The following PRTFDC1 variants were observed in gnomAD, a reference collection of about 807,000 sequenced individuals.
PRTFDC1 encodes the protein phosphoribosyltransferase domain-containing protein 1.
PRTFDC1 carries 38 observed loss-of-function variants against 34.6 expected under a neutral mutation model. That is an observed-to-expected ratio of 1.10 (90% CI 0.85 to 1.44). PRTFDC1 has a LOEUF of 1.44. Ranked by LOEUF, PRTFDC1 falls within the 40% of genes most tolerant of loss-of-function variation. PRTFDC1 has a pLI of 0.00. For synonymous variants in PRTFDC1, 93 were observed against 98.1 expected (o/e 0.95, Z 0.31); for missense variants, 270 against 283.0 (o/e 0.95, Z 0.33).
intron 3 of PRTFDC1, among the ~76,000 whole-genome samples, chr10:24,903,747 A>G (rs758895083): frequency 2.0e-5 from 3 of 150,284 alleles, no homozygotes; most frequent in Non-Finnish European, 3.0e-5. Context: ...TCTGTCATCT[A>G]GGCTGTAGTG....
intron 3 of PRTFDC1, among the ~76,000 whole-genome samples, chr10:24,877,818 G>A (rs1326117134): frequency 6.6e-6 from 1 of 151,800 alleles, no homozygotes; most frequent in Non-Finnish European, 1.5e-5. Context: ...ATGGCGTTTC[G>A]CCATGTTGGT....
rs1288883171 is a variant in PRTFDC1, at chr10:24,849,862, T to A, written c.660A>T (p.Lys220Asn). The change falls in exon 9 of 9, where the codon AAA becomes AAT. Residue 220 changes from lysine to asparagine, a missense_variant. Physicochemically the swap from Lys to Asn is moderately conservative, Grantham distance 94. Coordinates refer to ENST00000320152, the MANE Select transcript of PRTFDC1 (RefSeq NM_020200.7). ...CATGTCTTTAGACTCGATATTTTTCTTTACCGTGCTCATTGATGACGCATA... is the reference window on the plus strand; with the variant it reads ...CATGTCTTTAGACTCGATATTTTTCATTACCGTGCTCATTGATGACGCATA... The part of the protein sequence containing the change: ...NHICVINEHG[K>N]EKYRV 2 of 1,614,014 alleles carry A rather than the reference T, an allele frequency of 1.2e-6. No homozygotes were observed. Among genetic ancestry groups the A allele is most frequent in the Admixed American group, 1.7e-5 (1 of 60,012 alleles).
chr10:24,926,960 G>A (rs1242211989), intron 3 of PRTFDC1, among the ~76,000 whole-genome samples: 2 of 152,132 alleles, frequency 1.3e-5, no homozygotes, highest in Non-Finnish European at 2.9e-5. Flanking sequence ...GAATAAATTT[G>A]AATATGAAGA....
chr10:24,932,660 C>A (rs56037178), intron 3 of PRTFDC1, among the ~76,000 whole-genome samples: 22,174 of 151,832 alleles, frequency 0.15, 1,856 homozygotes, highest in East Asian at 0.28. Flanking sequence ...AGGAGATATA[C>A]CGTGTTCATG....
chr10:24,867,404 C>T (rs1269520960), intron 4 of PRTFDC1, among the ~76,000 whole-genome samples: 2 of 152,158 alleles, frequency 1.3e-5, no homozygotes, highest in Non-Finnish European at 2.9e-5. Context: ...ATTCTTCCCT[C>T]TTGTCAGTTT....
intron 3 of PRTFDC1, among the ~76,000 whole-genome samples, chr10:24,932,070 T>G (rs1848981393): frequency 6.6e-6 from 1 of 151,924 alleles, no homozygotes; most frequent in Admixed American, 6.6e-5. Context: ...AGCAAACCAA[T>G]CAATGTATTT....
chr10:24,862,669 G>GT lies in PRTFDC1; in HGVS notation c.406-4261dup, dbSNP rs910874974. Among the ~76,000 whole-genome samples, 73 of 150,878 alleles carry GT rather than the reference G, an allele frequency of 4.8e-4. 1 individual carries two copies. The highest frequency in any genetic ancestry group is 9.3e-4 in the Admixed American group (14 of 15,104). Reference sequence around the variant, plus strand: ...TTTATTGCACCTTACAGAGACTGTGGTTTTTTTTTGTTTTTGTTTCTGTTT... The same window carrying GT: ...TTTATTGCACCTTACAGAGACTGTGGTTTTTTTTTTGTTTTTGTTTCTGTTT... On this transcript the variant is annotated intron_variant, in intron 4 of 8. Transcript: ENST00000320152.
chr10:24,929,161 A>G (rs1263250644), intron 3 of PRTFDC1, among the ~76,000 whole-genome samples: 1 of 152,138 alleles, frequency 6.6e-6, no homozygotes, highest in Non-Finnish European at 1.5e-5. Context: ...ACTACTCACT[A>G]AAACTAAAGA....
At chr10:24,872,088 G>A (rs1306770742) in intron 3 of PRTFDC1, 25 bp from the exon 4 acceptor site, 2 of 1,576,484 alleles carry the variant, frequency 1.3e-6, no homozygotes, top group Non-Finnish European at 1.7e-6. Context: ...AAAAAAAAGG[G>A]AGACAATTTT....
intron 3 of PRTFDC1, among the ~76,000 whole-genome samples, chr10:24,922,865 G>A (rs1848813180): frequency 6.6e-6 from 1 of 152,202 alleles, no homozygotes; most frequent in Non-Finnish European, 1.5e-5. Context: ...GAAGCACAAG[G>A]AGTTGGGTGA....
intron 3 of PRTFDC1, among the ~76,000 whole-genome samples, chr10:24,932,728 CA>C (rs2132601062): frequency 6.6e-6 from 1 of 152,056 alleles, no homozygotes; most frequent in East Asian, 1.9e-4. Flanking sequence ...TCTATAGATT[CA>C]AGGCAATCTT....
chr10:24,888,981 G>T (rs1000952567), intron 3 of PRTFDC1, among the ~76,000 whole-genome samples: 5 of 152,236 alleles, frequency 3.3e-5, no homozygotes, highest in African/African-American at 1.2e-4. Context: ...AAATGGAAAT[G>T]CTGCTACCAC....
At chr10:24,908,665 C>T (rs1848577259) in intron 3 of PRTFDC1, 1 of 1,608,404 alleles carries the variant, frequency 6.2e-7, no homozygotes, top group Admixed American at 1.7e-5. Flanking sequence ...AGATGGTTGT[C>T]CTCTTCAACC....
At chr10:24,856,732 T>G (rs1007859466) in intron 6 of PRTFDC1, among the ~76,000 whole-genome samples, 181 bp downstream of exon 6, 15 of 151,890 alleles carry the variant, frequency 9.9e-5, no homozygotes, top group Non-Finnish European at 7.4e-5. Context: ...CTTCTTCCCT[T>G]ACTTCTCTCA....
intron 1 of PRTFDC1, 97 bp from the exon 2 acceptor site, chr10:24,942,533 T>G: frequency 1.0e-6 from 1 of 990,746 alleles, no homozygotes; most frequent in Non-Finnish European, 1.6e-6. Context: ...TTCCCTCAAC[T>G]TATGAAAAGT....
chr10:24,859,589 C>G (rs1847642334), intron 4 of PRTFDC1, among the ~76,000 whole-genome samples: 1 of 152,196 alleles, frequency 6.6e-6, no homozygotes, highest in South Asian at 2.1e-4. Flanking sequence ...TCCCTAGAAG[C>G]AGAACAGATG....
intron 1 of PRTFDC1, among the ~76,000 whole-genome samples, chr10:24,949,157 A>G (rs1474688758): frequency 6.6e-6 from 1 of 152,064 alleles, no homozygotes; most frequent in African/African-American, 2.4e-5. Context: ...TGGCACGATC[A>G]TGGCTCACTG....
chr10:24,905,264 G>C (rs1224554533), intron 3 of PRTFDC1, among the ~76,000 whole-genome samples: 1 of 151,562 alleles, frequency 6.6e-6, no homozygotes, highest in Non-Finnish European at 1.5e-5. Context: ...AGTGAGTCGA[G>C]ACCATGCCAC....
chr10:24,905,542 T>C (rs1848521048), intron 3 of PRTFDC1, among the ~76,000 whole-genome samples: 1 of 151,934 alleles, frequency 6.6e-6, no homozygotes, highest in Admixed American at 6.6e-5. Flanking sequence ...AAAGGTCTCC[T>C]GACCTTTTGA....
Sources: gnomAD v4.1 joint callset for allele counts (sites outside exome capture counted in the v4.1 genomes callset) on GRCh38, gnomAD v4.1.1 for gene constraint, MANE v1.5 for transcripts, NCBI Gene and HGNC (gene_info 2026-07-23, HGNC 2026-07-21) for gene names.